Variants in EPS8L1 observed in about 807,000 individuals in gnomAD.
EPS8L1 encodes EPS8 signaling adaptor L1.
In EPS8L1, 101 loss-of-function variants were observed where a neutral mutation model predicts 91.7. The observed-to-expected ratio is 1.10, with a 90% CI of 0.94 to 1.30. The LOEUF (loss-of-function observed/expected upper bound fraction) is 1.30, where lower values mean the gene tolerates loss of function less well. EPS8L1 is among the 50% of genes most tolerant of loss of function. The pLI is 0.00. For synonymous variants in EPS8L1, 506 were observed against 445.3 expected, an observed-to-expected ratio of 1.14 and a Z score of -1.72; for missense variants, 1,114 against 1,017.0, an observed-to-expected ratio of 1.10 and a Z score of -1.30.
rs1010862474 is a variant in EPS8L1, at chr19:55,082,606, A to G, written c.1214+4A>G. 4.5e-6 allele frequency: 7 copies of G among 1,556,204 alleles called. No individual in the cohort carries two copies. The highest frequency in any genetic ancestry group is 2.3e-5 in the South Asian group (2 of 85,188). ...GGGACTCGTGGACCCGCCCCGGGTG[A>G]GGGGCGGGGCTGGGAGGCAGGGGGC... On this transcript the variant is annotated splice_donor_region_variant and intron_variant, in intron 12 of 19. Transcript: ENST00000201647.
intron 2 of EPS8L1, among the ~76,000 whole-genome samples, chr19:55,076,891 G>C (rs1466189492): frequency 6.6e-6 from 1 of 152,212 alleles, no homozygotes; most frequent in Admixed American, 6.5e-5. Flanking sequence ...CCCTTTGCTA[G>C]AAAATCAGGG....
chr19:55,076,389 C>T lies in EPS8L1; in HGVS notation c.-37-19C>T. ...GAGGCTCCTACTGGCCAGGCCTTCA[C>T]ATGTTTGCTGGCTCCCAGGGCACCT... On this transcript the variant is annotated intron_variant, in intron 1 of 19. Transcript: ENST00000201647. 6.2e-7 allele frequency: 1 copy of T among 1,606,466 alleles called. No individual in the cohort carries two copies. The highest frequency in any genetic ancestry group is 8.5e-7 in the Non-Finnish European group (1 of 1,175,930).
rs1390989714 is a variant in EPS8L1, at chr19:55,083,084, T to TG, written c.1215-290dup. Among the ~76,000 whole-genome samples the TG allele has an allele frequency of 6.6e-6, 1 of 152,066 alleles. No individual in the cohort carries two copies. Among genetic ancestry groups the TG allele is most frequent in the Admixed American group, 6.6e-5 (1 of 15,262 alleles). On this transcript the variant is annotated intron_variant, in intron 12 of 19. Coordinates refer to ENST00000201647, the MANE Select transcript of EPS8L1 (RefSeq NM_133180.3). The surrounding 1 kb of genome is among the most constrained non-coding windows in gnomAD (Gnocchi z 4.7). ...ATTTTTTTCCAGAGAGAGAGATGGATGGGGTCTCAATATTTTGCCCAGGCT... is the reference window on the plus strand; with the variant it reads ...ATTTTTTTCCAGAGAGAGAGATGGATGGGGGTCTCAATATTTTGCCCAGGCT...
In EPS8L1 at chr19:55,076,453, C is replaced by T. The variant is rs2076136546; in HGVS notation, c.9C>T (p.Thr3=). MS[T]ATGPEAAPKP... is the part of the protein sequence containing the mutation. Reference sequence around the variant, plus strand: ...AGCTACCACTCAGCACCATGAGCACCGCCACAGGGTAAGCGCCCCCGGACC... The same window carrying T: ...AGCTACCACTCAGCACCATGAGCACTGCCACAGGGTAAGCGCCCCCGGACC... The change falls in exon 2 of 20, where the codon ACC becomes ACT. Residue 3 remains threonine, a synonymous_variant. Coordinates refer to ENST00000201647, the MANE Select transcript of EPS8L1 (RefSeq NM_133180.3). 7 of 1,612,212 alleles carry T rather than the reference C, an allele frequency of 4.3e-6. No homozygotes were observed. Among genetic ancestry groups the T allele is most frequent in the South Asian group, 2.2e-5 (2 of 91,020 alleles).
rs748160171 is a variant in EPS8L1, at chr19:55,082,603, G to C, written c.1214+1G>C. The C allele has an allele frequency of 7.1e-6, 11 of 1,558,702 alleles. No individual in the cohort carries two copies. Among genetic ancestry groups the C allele is most frequent in the Admixed American group, 1.9e-5 (1 of 51,726 alleles). Reference sequence around the variant, plus strand: ...TGGGGGACTCGTGGACCCGCCCCGGGTGAGGGGCGGGGCTGGGAGGCAGGG... The same window carrying C: ...TGGGGGACTCGTGGACCCGCCCCGGCTGAGGGGCGGGGCTGGGAGGCAGGG... On this transcript the variant is annotated splice_donor_variant, in intron 12 of 19. Coordinates refer to ENST00000201647, the MANE Select transcript of EPS8L1 (RefSeq NM_133180.3). LOFTEE classifies it high-confidence loss of function.
Position 55,083,657 on chromosome 19 carries a change from C to A in EPS8L1, c.1385+13C>A. 1 of 1,590,958 alleles carries A rather than the reference C, an allele frequency of 6.3e-7. No homozygotes were observed. Among genetic ancestry groups the A allele is most frequent in the Non-Finnish European group, 8.6e-7 (1 of 1,169,144 alleles). On this transcript the variant is annotated intron_variant, in intron 14 of 19. Coordinates refer to ENST00000201647, the MANE Select transcript of EPS8L1 (RefSeq NM_133180.3). This position sits in a 1 kb window ranked among gnomAD's most constrained non-coding sequence, Gnocchi z 4.7. ...TCGCTGTCAATGGGTGAGTGTCCGC[C>A]CCAGGGCAGGGCAAGGGGGTCAAGG... is the stretch of plus-strand genomic sequence containing the variant.
chr19:55,079,478 C>G, intron 4 of EPS8L1: 1 of 621,644 alleles, frequency 1.6e-6, no homozygotes, highest in Non-Finnish European at 2.8e-6. Context: ...AGCCTCCAGT[C>G]TGTGAGAAGC....
At position 55,076,561 on chromosome 19, in the gene EPS8L1, C is replaced by T. The variant is rs550698405; in HGVS notation, c.17+100C>T. The T allele has an allele frequency of 3.4e-4, 473 of 1,382,800 alleles. 1 individual carries two copies. The highest frequency in any genetic ancestry group is 1.6e-3 in the East Asian group (67 of 41,776). The allele number at this position is 1,382,800 out of a possible 1,614,324, so 85.7% of individuals were successfully genotyped here. On this transcript the variant is annotated intron_variant, in intron 2 of 19. Coordinates refer to ENST00000201647, the MANE Select transcript of EPS8L1 (RefSeq NM_133180.3). ...TTGCGGCAGCCCAGACTGTTTGCGG[C>T]GGCCCAGACTCTGGCCCAAGCCCCG...
Position 55,083,283 on chromosome 19 carries a change from C to T in EPS8L1, c.1215-95C>T, listed in dbSNP as rs1263783361. On this transcript the variant is annotated intron_variant, in intron 12 of 19. Coordinates refer to ENST00000201647, the MANE Select transcript of EPS8L1 (RefSeq NM_133180.3). This position sits in a 1 kb window ranked among gnomAD's most constrained non-coding sequence, Gnocchi z 4.7. ...CGGGGCTAGAATCGTTGGAATACAGCGAGCTTTAGGGGAAAACTTAGTGAA... is the reference window on the plus strand; with the variant it reads ...CGGGGCTAGAATCGTTGGAATACAGTGAGCTTTAGGGGAAAACTTAGTGAA... 14 of 1,495,042 alleles carry T rather than the reference C, an allele frequency of 9.4e-6. No homozygotes were observed. Among genetic ancestry groups the T allele is most frequent in the African/African-American group, 1.4e-5 (1 of 71,766 alleles). 92.6% of individuals were successfully genotyped at this position (1,495,042 alleles called of 1,614,324 possible). A position where few individuals can be genotyped will look rare whatever the true frequency, so the allele number is the denominator to read the frequency against.
chr19:55,082,115 A>T lies in EPS8L1; in HGVS notation c.925A>T (p.Lys309Ter). Residue 309 changes from lysine (K) to a stop codon, truncating the protein, a stop_gained, in exon 10 of 20, where the codon AAG becomes TAG. Transcript: ENST00000201647. LOFTEE classifies it high-confidence loss of function. ...AGEGLLTLRA[K>*]PPSEAEYTDV... Reference sequence around the variant, plus strand: ...AGAGGGCTTGCTGACGCTGCGGGCCAAGCCGCCCTCGGAGGCCGAGTACAC... The same window carrying T: ...AGAGGGCTTGCTGACGCTGCGGGCCTAGCCGCCCTCGGAGGCCGAGTACAC... The T allele has an allele frequency of 6.2e-7, 1 of 1,600,664 alleles. No individual in the cohort carries two copies. Among genetic ancestry groups the T allele is most frequent in the Non-Finnish European group, 8.5e-7 (1 of 1,174,248 alleles).
chr19:55,082,639 T>G (rs969644362), intron 12 of EPS8L1, 37 bp downstream of exon 12: 1 of 1,531,244 alleles, frequency 6.5e-7, no homozygotes, highest in Non-Finnish European at 8.8e-7. Context: ...GGCATGGTGA[T>G]TGGAGGAGCA....
Position 55,081,598 on chromosome 19 carries a change from C to G in EPS8L1, c.774+106C>G. The G allele has an allele frequency of 7.1e-7, 1 of 1,398,752 alleles. No individual in the cohort carries two copies. Among genetic ancestry groups the G allele is most frequent in the Non-Finnish European group, 9.4e-7 (1 of 1,061,826 alleles). 86.6% of individuals were successfully genotyped at this position (1,398,752 alleles called of 1,614,324 possible). Reference sequence around the variant, plus strand: ...GCGGGACGGGCGTTCTCTGGTCAGACTTCTGCGTTATGGAAGAGGGGCTGG... The same window carrying G: ...GCGGGACGGGCGTTCTCTGGTCAGAGTTCTGCGTTATGGAAGAGGGGCTGG... On this transcript the variant is annotated intron_variant, in intron 8 of 19. Coordinates refer to ENST00000201647, the MANE Select transcript of EPS8L1 (RefSeq NM_133180.3). This position sits in a 1 kb window ranked among gnomAD's most constrained non-coding sequence, Gnocchi z 4.9.
chr19:55,081,801 T>G lies in EPS8L1; in HGVS notation c.803T>G (p.Val268Gly). ...VDILNHVFDDVESFVSRLQKS... is the reference protein window; with the variant it reads ...VDILNHVFDDGESFVSRLQKS... ...ATCCTGAACCACGTGTTCGACGACGTAGAGAGCTTTGTATCGAGGCTGCAG... is the reference window on the plus strand; with the variant it reads ...ATCCTGAACCACGTGTTCGACGACGGAGAGAGCTTTGTATCGAGGCTGCAG... Residue 268 changes from valine (V) to glycine (G), a missense_variant, in exon 9 of 20, where the codon GTA becomes GGA. Transcript: ENST00000201647. This position sits in a 1 kb window ranked among gnomAD's most constrained non-coding sequence, Gnocchi z 4.9. The G allele has an allele frequency of 6.2e-7, 1 of 1,611,834 alleles. No homozygotes were observed. Among genetic ancestry groups the G allele is most frequent in the Non-Finnish European group, 8.5e-7 (1 of 1,178,362 alleles).
chr19:55,081,987 T>G lies in EPS8L1; in HGVS notation c.901+88T>G, dbSNP rs2076275328. 1.9e-6 allele frequency: 3 copies of G among 1,555,418 alleles called. No individual in the cohort carries two copies. The highest frequency in any genetic ancestry group is 2.6e-6 in the Non-Finnish European group (3 of 1,148,736). On this transcript the variant is annotated intron_variant, in intron 9 of 19. Coordinates refer to ENST00000201647, the MANE Select transcript of EPS8L1 (RefSeq NM_133180.3). This position sits in a 1 kb window ranked among gnomAD's most constrained non-coding sequence, Gnocchi z 4.9. ...TCCCCAGGCTCTCCCCTCCCGCCACTTGCCAGGGCTGACCTCACCGCCATC... is the reference window on the plus strand; with the variant it reads ...TCCCCAGGCTCTCCCCTCCCGCCACGTGCCAGGGCTGACCTCACCGCCATC...
Position 55,085,971 on chromosome 19 carries a change from G to C in EPS8L1, c.1516G>C (p.Glu506Gln), listed in dbSNP as rs372416841. The C allele has an allele frequency of 5.0e-6, 8 of 1,611,284 alleles. No individual in the cohort carries two copies. The highest frequency in any genetic ancestry group is 5.9e-6 in the Non-Finnish European group (7 of 1,177,712). ...GTCGGTCAAGCAGCGGGACGTACTG[G>C]AGGTTAGAGGAGCGGGAGGCTGAGG... ...ELSVKQRDVL[E>Q]VLDDSRKWWK... The change falls in exon 15 of 20, where the codon GAG becomes CAG. Residue 506 changes from glutamate (E) to glutamine (Q), a missense_variant and splice_region_variant. By Grantham distance (29) the Glu-to-Gln change is conservative. Coordinates refer to ENST00000201647, the MANE Select transcript of EPS8L1 (RefSeq NM_133180.3).
intron 3 of EPS8L1, 63 bp downstream of exon 3, chr19:55,078,191 A>G (rs1411004016): frequency 6.5e-7 from 1 of 1,537,834 alleles, no homozygotes; most frequent in Non-Finnish European, 8.9e-7. Context: ...AGGACCTGGC[A>G]TCCAGGGTCT....
chr19:55,086,682 G>A (rs1253946784), intron 17 of EPS8L1, 32 bp from the exon 18 acceptor site: 5 of 1,025,468 alleles, frequency 4.9e-6, no homozygotes, highest in Non-Finnish European at 6.9e-6. Flanking sequence ...CCCTGAGCCC[G>A]CACTCCCTAC....
chr19:55,081,242 A>G lies in EPS8L1; in HGVS notation c.524A>G (p.Glu175Gly). The change falls in exon 8 of 20, where the codon GAG (glutamate) becomes GGG (glycine). Residue 175 changes from glutamate (E) to glycine (G), a missense_variant. Physicochemically the swap from Glu to Gly is moderately conservative, Grantham distance 98. Coordinates refer to ENST00000201647, the MANE Select transcript of EPS8L1 (RefSeq NM_133180.3). The surrounding 1 kb of genome is among the most constrained non-coding windows in gnomAD (Gnocchi z 4.9). ...RRAAALRATQ[E>G]ELQRDRSPAA... ...GTCGCCCTCCGCAGGGCCACGCAGG[A>G]GGAGTTGCAGCGCGACCGCTCGCCC... The G allele has an allele frequency of 6.6e-7, 1 of 1,516,852 alleles. No individual in the cohort carries two copies. Among genetic ancestry groups the G allele is most frequent in the Non-Finnish European group, 8.7e-7 (1 of 1,143,168 alleles). The allele number at this position is 1,516,852 out of a possible 1,614,324, so 94.0% of individuals were successfully genotyped here. A position where few individuals can be genotyped will look rare whatever the true frequency, so the allele number is the denominator to read the frequency against.
rs2076246381 is a variant in EPS8L1, at chr19:55,081,005, A to AC, written c.512+155dup. Reference sequence around the variant, plus strand: ...TTGTCTGTACCTCCCAGACGAGCTGACCCCTTCTCCAGAACTCTGCTTCTT... The same window carrying AC: ...TTGTCTGTACCTCCCAGACGAGCTGACCCCCTTCTCCAGAACTCTGCTTCTT... On this transcript the variant is annotated intron_variant, in intron 7 of 19. Transcript: ENST00000201647. The surrounding 1 kb of genome is among the most constrained non-coding windows in gnomAD (Gnocchi z 4.9). The AC allele has an allele frequency of 7.8e-6, 7 of 901,488 alleles. No homozygotes were observed. Among genetic ancestry groups the AC allele is most frequent in the Non-Finnish European group, 1.2e-5 (7 of 608,514 alleles). The allele number at this position is 901,488 out of a possible 1,614,324, so 55.8% of individuals were successfully genotyped here.
Sources: allele counts gnomAD v4.1 joint callset (sites outside exome capture counted in the v4.1 genomes callset), GRCh38; gene constraint gnomAD v4.1.1; non-coding constraint Gnocchi (gnomAD v3.1); transcripts MANE v1.5; gene names NCBI Gene and HGNC (gene_info 2026-07-23, HGNC 2026-07-21).